The following SFTPD variants were observed in gnomAD, a reference collection of about 807,000 sequenced individuals.
The protein encoded by SFTPD is pulmonary surfactant-associated protein D.
A neutral mutation model predicts 34.6 loss-of-function variants in SFTPD; 18 were observed. The ratio of observed to expected loss-of-function variants is 0.52; its 90% CI spans 0.36 to 0.77. SFTPD has a LOEUF of 0.77. SFTPD is among the 30% of genes least tolerant of loss of function. SFTPD has a pLI of 0.00. For missense variants in SFTPD, 433 were observed against 468.9 expected, an observed-to-expected ratio of 0.92 and a Z score of 0.71; for synonymous variants, 155 against 180.9, an observed-to-expected ratio of 0.86 and a Z score of 1.15.
chr10:79,973,935 T>C (rs4442488), intron 1 of SFTPD, among the ~76,000 whole-genome samples: 11,698 of 151,950 alleles, frequency 0.077, 913 homozygotes, highest in East Asian at 0.39. Context: ...ACTCATTTTT[T>C]ACTGGTGGAT....
At chr10:79,967,793 C>T (rs1330064589) in intron 1 of SFTPD, among the ~76,000 whole-genome samples, 5 of 152,032 alleles carry the variant, frequency 3.3e-5, no homozygotes, top group African/African-American at 1.2e-4. Context: ...TGGCCTGTTC[C>T]TGCCTTAACT....
chr10:79,957,561 T>C (rs1410689216), intron 1 of SFTPD, among the ~76,000 whole-genome samples: 6 of 151,926 alleles, frequency 3.9e-5, no homozygotes, highest in Admixed American at 3.3e-4. Flanking sequence ...TGATGGAAGA[T>C]GAAATGAATG....
rs940366247 is a variant in SFTPD, at chr10:79,942,518, C to T, written c.317-14G>A. On this transcript the variant is annotated splice_polypyrimidine_tract_variant and intron_variant, in intron 3 of 7. Coordinates refer to ENST00000372292, the MANE Select transcript of SFTPD (RefSeq NM_003019.5). ...GTCCTGGAGGTCCTGAGCAAAAGCACCAGCCCGGTCAGTAACAATGAATCC... is the reference window on the plus strand; with the variant it reads ...GTCCTGGAGGTCCTGAGCAAAAGCATCAGCCCGGTCAGTAACAATGAATCC... 6.5e-7 allele frequency: 1 copy of T among 1,532,172 alleles called. No individual in the cohort carries two copies. Among genetic ancestry groups the T allele is most frequent in the East Asian group, 2.3e-5 (1 of 44,384 alleles). The allele number at this position is 1,532,172 out of a possible 1,614,324, so 94.9% of individuals were successfully genotyped here. A position where few individuals can be genotyped will look rare whatever the true frequency, so the allele number is the denominator to read the frequency against.
chr10:79,957,284 G>T (rs894159832), intron 1 of SFTPD, among the ~76,000 whole-genome samples: 6 of 152,194 alleles, frequency 3.9e-5, no homozygotes, highest in African/African-American at 1.4e-4. Flanking sequence ...ACCAACAACG[G>T]AACAAAGCTG....
chr10:79,974,449 A>G (rs1408485727), intron 1 of SFTPD, among the ~76,000 whole-genome samples: 1 of 151,412 alleles, frequency 6.6e-6, no homozygotes, highest in Non-Finnish European at 1.5e-5. Flanking sequence ...ACACCCAGCC[A>G]CCCCCAGATA....
intron 1 of SFTPD, among the ~76,000 whole-genome samples, chr10:79,961,281 C>T (rs1842771019): frequency 6.6e-6 from 1 of 152,082 alleles, no homozygotes; most frequent in Non-Finnish European, 1.5e-5. Context: ...GCAACAAAAG[C>T]CAGAATTGAC....
At chr10:79,939,648 T>G (rs1287446940) in intron 7 of SFTPD, among the ~76,000 whole-genome samples, 1 of 152,248 alleles carries the variant, frequency 6.6e-6, no homozygotes, top group Non-Finnish European at 1.5e-5. Context: ...TTTCTGTCAC[T>G]GTGCCTCTGA....
chr10:79,963,013 C>T (rs1050959470), intron 1 of SFTPD, among the ~76,000 whole-genome samples: 3 of 152,056 alleles, frequency 2.0e-5, no homozygotes, highest in Non-Finnish European at 4.4e-5. Flanking sequence ...ATCTGTCTAC[C>T]TACCTTTCCT....
chr10:79,974,385 A>T (rs532030116), intron 1 of SFTPD, among the ~76,000 whole-genome samples: 1 of 151,634 alleles, frequency 6.6e-6, no homozygotes, highest in African/African-American at 2.4e-5. Flanking sequence ...TCCTGACCTC[A>T]TGATCTGCCC....
intron 2 of SFTPD, among the ~76,000 whole-genome samples, chr10:79,943,641 T>G (rs1842637998): frequency 6.6e-6 from 1 of 152,104 alleles, no homozygotes; most frequent in Non-Finnish European, 1.5e-5. Flanking sequence ...TGGTTGTGGG[T>G]AAATTTGCTG....
intron 1 of SFTPD, among the ~76,000 whole-genome samples, chr10:79,967,875 C>T (rs1455654730): frequency 6.6e-6 from 1 of 151,900 alleles, no homozygotes; most frequent in Non-Finnish European, 1.5e-5. Flanking sequence ...TGACCCCCGC[C>T]CCTGCCTGCC....
At chr10:79,979,723 G>A (rs770997405) in intron 1 of SFTPD, among the ~76,000 whole-genome samples, 58 of 152,180 alleles carry the variant, frequency 3.8e-4, no homozygotes, top group Non-Finnish European at 2.9e-4. Flanking sequence ...TAGACACAAG[G>A]ACTGAAATTC....
At chr10:79,940,266 G>A (rs1198102496) in intron 7 of SFTPD, among the ~76,000 whole-genome samples, 2 of 152,222 alleles carry the variant, frequency 1.3e-5, no homozygotes, top group African/African-American at 4.8e-5. Flanking sequence ...TTATCTATCA[G>A]AGGGACCAGC....
intron 1 of SFTPD, among the ~76,000 whole-genome samples, chr10:79,974,551 TA>T (rs149544404): frequency 6.6e-6 from 1 of 152,112 alleles, no homozygotes; most frequent in African/African-American, 2.4e-5. Flanking sequence ...TCTGGTTCAT[TA>T]AAAAAATCTG....
chr10:79,946,926 C>G (rs1273171389), intron 1 of SFTPD, among the ~76,000 whole-genome samples: 1 of 152,216 alleles, frequency 6.6e-6, no homozygotes, highest in African/African-American at 2.4e-5. Context: ...GTCTTCCCTT[C>G]TTGTGCCTTC....
In SFTPD at chr10:79,942,020, C is replaced by T. The variant is rs766504455; in HGVS notation, c.484G>A (p.Ala162Thr). 191 of 1,614,012 alleles carry T rather than the reference C, an allele frequency of 1.2e-4. 1 individual carries two copies. In the South Asian group the frequency reaches 1.3e-3, roughly 11 times the overall value. ...MQGSAGARGL[A>T]GPKGERGVPG... The stretch of plus-strand genomic sequence containing the variant: ...ACACCTCGCTCTCCCTTAGGGCCTG[C>T]GAGGCCTCTTGCCCCTGCCGAGCCC... The change falls in exon 5 of 8, where the codon GCA (alanine) becomes ACA (threonine). Residue 162 changes from alanine to threonine, a missense_variant. By Grantham distance (58) the Ala-to-Thr change is moderately conservative. Transcript: ENST00000372292.
chr10:79,939,453 T>G (rs953365513), intron 7 of SFTPD, among the ~76,000 whole-genome samples: 7 of 152,242 alleles, frequency 4.6e-5, no homozygotes. Flanking sequence ...GGCATGCCTT[T>G]GAATATATGT....
At chr10:79,978,137 G>T (rs144968377) in intron 1 of SFTPD, among the ~76,000 whole-genome samples, 4 of 152,144 alleles carry the variant, frequency 2.6e-5, no homozygotes, top group African/African-American at 7.2e-5. Flanking sequence ...AGTTACAGTA[G>T]ATTAGTTACC....
At chr10:79,945,205 T>C (rs1842653374) in intron 2 of SFTPD, among the ~76,000 whole-genome samples, 1 of 152,100 alleles carries the variant, frequency 6.6e-6, no homozygotes, top group African/African-American at 2.4e-5. Flanking sequence ...CCAGGGCCAT[T>C]GTGGGAAAGA....
Sources: gnomAD v4.1 joint callset for allele counts (sites outside exome capture counted in the v4.1 genomes callset) on GRCh38, gnomAD v4.1.1 for gene constraint, MANE v1.5 for transcripts, NCBI Gene and HGNC (gene_info 2026-07-23, HGNC 2026-07-21) for gene names.